Variants in SHB observed in about 807,000 individuals in gnomAD.
SHB encodes the protein SH2 domain-containing adapter protein B.
Under a neutral mutation model 52.3 loss-of-function variants are expected in SHB, and 20 were observed. That is an observed-to-expected ratio of 0.38 (90% confidence interval 0.27 to 0.56). The LOEUF is 0.56. SHB is among the 20% of genes least tolerant of loss of function. SHB has a pLI of 0.71. For missense variants in SHB, 825 were observed against 723.3 expected, an observed-to-expected ratio of 1.14 and a Z score of -1.61; for synonymous variants, 397 against 316.5, an observed-to-expected ratio of 1.25 and a Z score of -2.70.
At chr9:37,922,724 G>A (rs143448383) in intron 5 of SHB, among the ~76,000 whole-genome samples, 4 of 152,228 alleles carry the variant, frequency 2.6e-5, no homozygotes, top group African/African-American at 7.2e-5. Context: ...AGAAAGGCGC[G>A]TTCACATGCT....
intron 1 of SHB, among the ~76,000 whole-genome samples, chr9:38,065,944 C>T (rs1235336107): frequency 2.0e-5 from 3 of 152,140 alleles, no homozygotes; most frequent in Non-Finnish European, 4.4e-5. Flanking sequence ...AGGTGCACTC[C>T]TCGATGCCAC....
At chr9:38,012,695 T>C (rs1821155760) in intron 2 of SHB, among the ~76,000 whole-genome samples, 1 of 151,660 alleles carries the variant, frequency 6.6e-6, no homozygotes, top group East Asian at 1.9e-4. Context: ...CATATCTGCT[T>C]GACTCCAGCC....
chr9:37,939,986 G>C (rs1227976896), intron 5 of SHB, among the ~76,000 whole-genome samples: 1 of 152,226 alleles, frequency 6.6e-6, no homozygotes, highest in Non-Finnish European at 1.5e-5. Flanking sequence ...GTGCTAGAGA[G>C]TAAACAGAGG....
intron 5 of SHB, among the ~76,000 whole-genome samples, chr9:37,947,968 C>T (rs751549261): frequency 8.5e-5 from 13 of 152,214 alleles, no homozygotes; most frequent in Non-Finnish European, 1.8e-4. Context: ...TTTTGGGTCC[C>T]GTCCAGCAAT....
intron 1 of SHB, among the ~76,000 whole-genome samples, chr9:38,027,244 C>T (rs143125895): frequency 7.0e-4 from 107 of 152,306 alleles, no homozygotes; most frequent in African/African-American, 2.4e-3. Context: ...CCCTGAGCTC[C>T]AATGCTTCCA....
intron 2 of SHB, among the ~76,000 whole-genome samples, chr9:37,978,890 G>A (rs1820688181): frequency 6.6e-6 from 1 of 152,250 alleles, no homozygotes; most frequent in Admixed American, 6.5e-5. Flanking sequence ...ATGAAAGAGA[G>A]TAAATATGAT....
intron 2 of SHB, among the ~76,000 whole-genome samples, chr9:37,995,198 G>T (rs910669849): frequency 1.3e-5 from 2 of 152,238 alleles, no homozygotes; most frequent in South Asian, 4.1e-4. Flanking sequence ...ACGCACTTCA[G>T]ATTTCACTCA....
intron 3 of SHB, among the ~76,000 whole-genome samples, chr9:37,960,473 A>G (rs796592763): frequency 7.9e-5 from 12 of 152,332 alleles, no homozygotes; most frequent in South Asian, 6.2e-4. Flanking sequence ...CTGAAGGAGG[A>G]AAGTAAGACT....
intron 5 of SHB, among the ~76,000 whole-genome samples, chr9:37,938,485 G>A (rs1223219224): frequency 6.6e-6 from 1 of 152,222 alleles, no homozygotes; most frequent in Non-Finnish European, 1.5e-5. Context: ...TTAGAAATGT[G>A]ATTGGAAAGA....
At chr9:38,001,739 GGCCACA>G (rs2118041839) in intron 2 of SHB, among the ~76,000 whole-genome samples, 1 of 152,364 alleles carries the variant, frequency 6.6e-6, no homozygotes, top group South Asian at 2.1e-4. Flanking sequence ...TTCCCTTGGA[GGCCACA>G]TCCTTGCTGG....
intron 1 of SHB, among the ~76,000 whole-genome samples, chr9:38,067,608 T>C (rs1411806804): frequency 3.3e-5 from 5 of 152,128 alleles, no homozygotes; most frequent in Non-Finnish European, 7.4e-5. Flanking sequence ...TTCGAAGTCC[T>C]AGACAGCTCT....
intron 1 of SHB, among the ~76,000 whole-genome samples, chr9:38,066,162 G>C (rs1821958065): frequency 6.6e-6 from 1 of 152,184 alleles, no homozygotes; most frequent in Non-Finnish European, 1.5e-5. Context: ...TAAATATCTT[G>C]ACATCCTGGC....
At chr9:37,926,794 G>A (rs944325374) in intron 5 of SHB, among the ~76,000 whole-genome samples, 1 of 152,206 alleles carries the variant, frequency 6.6e-6, no homozygotes, top group African/African-American at 2.4e-5. Context: ...CCTGGACCTG[G>A]GCTACCTCCT....
chr9:38,039,853 G>A (rs769889314), intron 1 of SHB, among the ~76,000 whole-genome samples: 2 of 152,370 alleles, frequency 1.3e-5, no homozygotes, highest in East Asian at 3.9e-4. Flanking sequence ...GAGCTCGAGG[G>A]GCGAGGGGAG....
intron 2 of SHB, among the ~76,000 whole-genome samples, chr9:37,991,234 G>A (rs961418484): frequency 1.3e-5 from 2 of 152,176 alleles, no homozygotes; most frequent in African/African-American, 4.8e-5. Flanking sequence ...CTGAGGCTGA[G>A]ACTGAGAGGG....
chr9:37,976,314 G>C (rs1186793045), intron 2 of SHB, among the ~76,000 whole-genome samples: 1 of 152,182 alleles, frequency 6.6e-6, no homozygotes, highest in East Asian at 1.9e-4. Flanking sequence ...GGGATTACAG[G>C]TGTGAGCCAC....
intron 2 of SHB, among the ~76,000 whole-genome samples, chr9:38,006,140 C>T (rs1821072836): frequency 6.6e-6 from 1 of 152,108 alleles, no homozygotes; most frequent in Non-Finnish European, 1.5e-5. Flanking sequence ...TGGTGTCATC[C>T]CACCCTCTCC....
chr9:37,929,076 C>CTG (rs989340843), intron 5 of SHB, among the ~76,000 whole-genome samples: 161 of 152,378 alleles, frequency 1.1e-3, no homozygotes, highest in African/African-American at 3.8e-3. Flanking sequence ...GAGGATGGTG[C>CTG]TGTACGCAGC....
chr9:37,942,801 C>T (rs1711613516), intron 5 of SHB, among the ~76,000 whole-genome samples: 1 of 152,170 alleles, frequency 6.6e-6, no homozygotes. Context: ...CCTGGGATGC[C>T]TGCCCACGTG....
Sources: gnomAD v4.1 joint callset for allele counts (sites outside exome capture counted in the v4.1 genomes callset) on GRCh38, gnomAD v4.1.1 for gene constraint, MANE v1.5 for transcripts, NCBI Gene and HGNC (gene_info 2026-07-23, HGNC 2026-07-21) for gene names.